The following STAB2 variants were observed in gnomAD, a reference collection of about 807,000 sequenced individuals.
The protein encoded by STAB2 is stabilin 2.
A neutral mutation model predicts 338.1 loss-of-function variants in STAB2; 288 were observed. The ratio of observed to expected loss-of-function variants is 0.85; its 90% confidence interval spans 0.77 to 0.94. STAB2 has a LOEUF of 0.94. Ranked by LOEUF, STAB2 falls within the 40% of genes least tolerant of loss-of-function variation. STAB2 has a pLI of 0.00. For synonymous variants in STAB2, 1,202 were observed against 1,193.3 expected (o/e 1.01, Z -0.15); for missense variants, 3,141 against 3,210.1 (o/e 0.98, Z 0.52).
chr12:103,709,439 A>C (rs1162785325), intron 39 of STAB2, among the ~76,000 whole-genome samples: 1 of 152,220 alleles, frequency 6.6e-6, no homozygotes, highest in African/African-American at 2.4e-5. Context: ...ATATGATCGT[A>C]TTTGGCACTT....
chr12:103,605,872 G>A (rs903968954), intron 3 of STAB2, among the ~76,000 whole-genome samples: 7 of 151,666 alleles, frequency 4.6e-5, no homozygotes, highest in African/African-American at 1.5e-4. Context: ...AATTTTGTAG[G>A]CAGCATATAG....
At chr12:103,665,817 G>A (rs1392379247) in intron 18 of STAB2, among the ~76,000 whole-genome samples, 1 of 152,218 alleles carries the variant, frequency 6.6e-6, no homozygotes, top group African/African-American at 2.4e-5. Context: ...CCCTGAACCA[G>A]TAGAGGAGAA....
chr12:103,743,531 C>T (rs762866955), intron 56 of STAB2, among the ~76,000 whole-genome samples: 16 of 152,100 alleles, frequency 1.1e-4, no homozygotes, highest in South Asian at 2.1e-4. Flanking sequence ...ACCTAACAGA[C>T]GCAAGGGGAC....
intron 30 of STAB2, among the ~76,000 whole-genome samples, chr12:103,692,162 T>C (rs977604139): frequency 3.3e-5 from 5 of 152,230 alleles, no homozygotes; most frequent in Non-Finnish European, 7.3e-5. Context: ...GGGAAGGGCC[T>C]GTCTTTGGCC....
Position 103,677,539 on chromosome 12 carries a change from C to A in STAB2, c.2733C>A (p.Ile911=). 1 of 1,614,184 alleles carries A rather than the reference C, an allele frequency of 6.2e-7. No homozygotes were observed. Among genetic ancestry groups the A allele is most frequent in the Non-Finnish European group, 8.5e-7 (1 of 1,180,016 alleles). The change falls in exon 25 of 69, where the codon ATC becomes ATA. Residue 911 remains isoleucine, a synonymous_variant. Transcript: ENST00000388887. ...GGAATGGGAGAGACTGCTCGGAGAT[C>A]AACAACTGCCTGCTGCCCAGTGCAG... is the stretch of plus-strand genomic sequence containing the variant. ...WTGNGRDCSE[I]NNCLLPSAGG...
intron 9 of STAB2, among the ~76,000 whole-genome samples, chr12:103,644,631 G>A (rs992431918): frequency 2.6e-5 from 4 of 152,090 alleles, no homozygotes; most frequent in East Asian, 1.9e-4. Context: ...TAGAATATAA[G>A]GTCCATGTCT....
In STAB2 at chr12:103,594,518, G is replaced by A. The variant is rs376916880; in HGVS notation, c.331+8G>A. 6 of 1,604,192 alleles carry A rather than the reference G, an allele frequency of 3.7e-6. No individual in the cohort carries two copies. In the African/African-American group the frequency reaches 8.0e-5, roughly 21 times the overall value. ...GGGGCCCAGACTGTATAGGTAAGTG[G>A]CACAATGCTTGGACTTTGAGACTTG... On this transcript the variant is annotated splice_region_variant and intron_variant, in intron 3 of 68. Coordinates refer to ENST00000388887, the MANE Select transcript of STAB2 (RefSeq NM_017564.10).
chr12:103,706,513 C>T (rs1431304059), intron 37 of STAB2, among the ~76,000 whole-genome samples: 1 of 152,052 alleles, frequency 6.6e-6, no homozygotes, highest in Non-Finnish European at 1.5e-5. Context: ...TGCTGCCCCT[C>T]CTCCTTTCTC....
intron 46 of STAB2, among the ~76,000 whole-genome samples, chr12:103,726,961 A>C (rs1169890567): frequency 1.3e-5 from 2 of 152,216 alleles, no homozygotes; most frequent in Non-Finnish European, 2.9e-5. Flanking sequence ...ATTGGAAAAA[A>C]ATACCTGAAA....
intron 5 of STAB2, among the ~76,000 whole-genome samples, chr12:103,623,036 C>T (rs530853861): frequency 6.6e-6 from 1 of 152,218 alleles, no homozygotes; most frequent in East Asian, 1.9e-4. Flanking sequence ...TTTTGGCTGC[C>T]CCCAGAAGTA....
intron 25 of STAB2, 83 bp downstream of exon 25, chr12:103,677,694 G>A: frequency 6.7e-7 from 1 of 1,491,166 alleles, no homozygotes; most frequent in African/African-American, 1.4e-5. Context: ...GAAGTACTTT[G>A]GCTAGAACTT....
At chr12:103,635,459 C>T (rs528978811) in intron 6 of STAB2, among the ~76,000 whole-genome samples, 15 of 152,346 alleles carry the variant, frequency 9.8e-5, no homozygotes, top group Middle Eastern at 3.4e-3. Flanking sequence ...ATGGTTTCTC[C>T]AGTGCCGGGT....
intron 13 of STAB2, 21 bp downstream of exon 13, chr12:103,654,719 C>T: frequency 6.2e-7 from 1 of 1,610,066 alleles, no homozygotes; most frequent in Non-Finnish European, 8.5e-7. Context: ...AGATAAAAGT[C>T]ACATCAGGCC....
intron 32 of STAB2, 38 bp downstream of exon 32, chr12:103,695,686 G>A (rs552099479): frequency 3.7e-6 from 6 of 1,614,072 alleles, no homozygotes; most frequent in South Asian, 3.3e-5. Context: ...CCATGCTCAG[G>A]TTACCCAGGA....
chr12:103,759,741 A>G (rs987344459), intron 65 of STAB2, among the ~76,000 whole-genome samples: 2 of 151,932 alleles, frequency 1.3e-5, no homozygotes, highest in African/African-American at 2.4e-5. Flanking sequence ...CATGATTGTG[A>G]TACAAGGGAG....
intron 20 of STAB2, 184 bp downstream of exon 20, chr12:103,668,913 C>G (rs1334596532): frequency 1.7e-6 from 1 of 571,854 alleles, no homozygotes; most frequent in Admixed American, 3.2e-5. Flanking sequence ...TGCATCACAG[C>G]CTCCCATGGT....
chr12:103,717,620 TATC>T, intron 43 of STAB2, 147 bp from the exon 44 acceptor site: 1 of 652,948 alleles, frequency 1.5e-6, no homozygotes, highest in Non-Finnish European at 2.7e-6. Flanking sequence ...GGGTGACAAT[TATC>T]ATTATAAAAT....
At chr12:103,744,761 C>G (rs1882879028) in intron 56 of STAB2, among the ~76,000 whole-genome samples, 1 of 152,180 alleles carries the variant, frequency 6.6e-6, no homozygotes, top group Non-Finnish European at 1.5e-5. Context: ...ACATGAGCCA[C>G]CACACCCAGC....
chr12:103,602,169 A>G lies in STAB2; in HGVS notation c.331+7659A>G, dbSNP rs529738263. On this transcript the variant is annotated intron_variant, in intron 3 of 68. Coordinates refer to ENST00000388887, the MANE Select transcript of STAB2 (RefSeq NM_017564.10). ...AAATACTAACCTGTTTTCTGTGTCT[A>G]TAATTTTGCCTTTATGTCATATAAT... is the stretch of plus-strand genomic sequence containing the variant. Among the ~76,000 whole-genome samples, 7 of 152,316 alleles carry G rather than the reference A, an allele frequency of 4.6e-5. 1 individual carries two copies. The South Asian group carries it at 1.5e-3, about 32-fold the overall frequency.
Sources: gnomAD v4.1 joint callset for allele counts (sites outside exome capture counted in the v4.1 genomes callset) on GRCh38, gnomAD v4.1.1 for gene constraint, MANE v1.5 for transcripts, NCBI Gene and HGNC (gene_info 2026-07-23, HGNC 2026-07-21) for gene names.